The following MARCHF1 variants were observed in gnomAD, a reference collection of about 807,000 sequenced individuals.
MARCHF1 encodes the protein membrane associated ring-CH-type finger 1, also known as E3 ubiquitin-protein ligase MARCHF1.
In MARCHF1, 40 loss-of-function variants were observed where a neutral mutation model predicts 54.2. The observed-to-expected ratio is 0.74, with a 90% CI of 0.57 to 0.96. The LOEUF is 0.96. MARCHF1 is among the 40% of genes least tolerant of loss of function. MARCHF1 has a pLI of 0.00. For synonymous variants in MARCHF1, 236 were observed against 236.3 expected (o/e 1.00, Z 0.01); for missense variants, 586 against 656.5 (o/e 0.89, Z 1.17).
chr4:164,348,737 C>T (rs1400070140), intron 1 of MARCHF1, among the ~76,000 whole-genome samples: 1 of 152,080 alleles, frequency 6.6e-6, no homozygotes, highest in Non-Finnish European at 1.5e-5. Context: ...ACTATTCTCG[C>T]CTAGAAACAT....
At chr4:164,264,950 C>A (rs1019492369) in intron 1 of MARCHF1, among the ~76,000 whole-genome samples, 2 of 150,530 alleles carry the variant, frequency 1.3e-5, no homozygotes, top group African/African-American at 4.9e-5. Context: ...ACACCACCAT[C>A]ATTTTGCAAG....
chr4:163,939,255 T>C (rs1441300648), intron 3 of MARCHF1, among the ~76,000 whole-genome samples: 1 of 152,164 alleles, frequency 6.6e-6, no homozygotes, highest in Non-Finnish European at 1.5e-5. Flanking sequence ...GTGCTCACTA[T>C]GTGAGCTGAT....
chr4:163,545,686 A>T lies in MARCHF1; in HGVS notation c.1249T>A (p.Phe417Ile). 1.9e-6 allele frequency: 3 copies of T among 1,614,116 alleles called. No individual in the cohort carries two copies. The highest frequency in any genetic ancestry group is 2.5e-6 in the Non-Finnish European group (3 of 1,179,968). Residue 417 changes from phenylalanine (F) to isoleucine (I), a missense_variant, in exon 9 of 10, where the codon TTC becomes ATC. Transcript: ENST00000514618. ...ACACAGGTGATCGCGATTACGTGGAATGTGACAGAGCAGAATATTTTCCTC... is the reference window on the plus strand; with the variant it reads ...ACACAGGTGATCGCGATTACGTGGATTGTGACAGAGCAGAATATTTTCCTC... ...ERRKIFCSVT[F>I]HVIAITCVVW...
intron 1 of MARCHF1, among the ~76,000 whole-genome samples, chr4:164,275,244 T>C (rs1169533365): frequency 1.3e-5 from 2 of 152,096 alleles, no homozygotes; most frequent in Non-Finnish European, 1.5e-5. Flanking sequence ...AAATATAAAA[T>C]TATATACGAG....
intron 1 of MARCHF1, among the ~76,000 whole-genome samples, chr4:164,351,379 A>G (rs1190212139): frequency 6.6e-6 from 1 of 151,244 alleles, no homozygotes; most frequent in Admixed American, 6.6e-5. Flanking sequence ...AGCTTTGAAG[A>G]GAGCAGTGGT....
At chr4:164,236,386 T>C (rs755282641) in intron 1 of MARCHF1, among the ~76,000 whole-genome samples, 30 of 152,082 alleles carry the variant, frequency 2.0e-4, no homozygotes, top group Admixed American at 4.6e-4. Flanking sequence ...CTCATGCTTG[T>C]CCAACACAAA....
intron 3 of MARCHF1, among the ~76,000 whole-genome samples, chr4:163,935,071 A>G (rs1035291198): frequency 6.6e-6 from 1 of 152,128 alleles, no homozygotes; most frequent in African/African-American, 2.4e-5. Flanking sequence ...TAACAGACAT[A>G]CAAACAACAT....
At chr4:163,676,146 C>A (rs1743905529) in intron 5 of MARCHF1, among the ~76,000 whole-genome samples, 1 of 147,522 alleles carries the variant, frequency 6.8e-6, no homozygotes. Context: ...AGTTCTACAG[C>A]CTGACCAAAA....
chr4:163,702,806 G>C (rs1482011012), intron 4 of MARCHF1, among the ~76,000 whole-genome samples: 1 of 152,100 alleles, frequency 6.6e-6, no homozygotes, highest in Non-Finnish European at 1.5e-5. Context: ...ATAAGGTCAG[G>C]CATTGAAATA....
intron 3 of MARCHF1, among the ~76,000 whole-genome samples, chr4:163,966,128 C>T (rs1480081114): frequency 1.3e-5 from 2 of 151,938 alleles, no homozygotes; most frequent in African/African-American, 4.8e-5. Flanking sequence ...CAATTTAGGT[C>T]TAATTATACT....
At chr4:163,927,281 A>C (rs1254014520) in intron 3 of MARCHF1, among the ~76,000 whole-genome samples, 2 of 151,844 alleles carry the variant, frequency 1.3e-5, no homozygotes, top group Non-Finnish European at 3.0e-5. Context: ...AAGCCTAACA[A>C]GATTCATAAT....
In MARCHF1 at chr4:163,624,607, G is replaced by C. The variant is rs143238255; in HGVS notation, c.163-11214C>G. Among the ~76,000 whole-genome samples the C allele has an allele frequency of 3.9e-3, 596 of 152,280 alleles. 2 individuals carry two copies. Among genetic ancestry groups the C allele is most frequent in the African/African-American group, 0.013 (560 of 41,544 alleles). On this transcript the variant is annotated intron_variant, in intron 5 of 9. Transcript: ENST00000514618. ...CCACTAGAGGATTAGGGAGAGATGA[G>C]GTCCTCAGCATAAGCTGCACATTTG...
At chr4:164,005,519 G>C in intron 2 of MARCHF1, among the ~76,000 whole-genome samples, 1 of 152,076 alleles carries the variant, frequency 6.6e-6, no homozygotes, top group Non-Finnish European at 1.5e-5. Context: ...ACAAGTGCAT[G>C]GTAATCTTCC....
In MARCHF1 at chr4:163,823,693, A is replaced by G. The variant is rs185149400; in HGVS notation, c.111+30328T>C. On this transcript the variant is annotated intron_variant, in intron 4 of 9. Transcript: ENST00000514618. The stretch of plus-strand genomic sequence containing the variant: ...CACCCATTTTATCACTATCATTGCT[A>G]AAGCATAAACATTTACAAAGTAGAA... Among the ~76,000 whole-genome samples, 429 of 151,994 alleles carry G rather than the reference A, an allele frequency of 2.8e-3. 4 individuals are homozygous for G. Among genetic ancestry groups the G allele is most frequent in the Middle Eastern group, 0.01 (3 of 292 alleles).
intron 2 of MARCHF1, among the ~76,000 whole-genome samples, chr4:164,080,416 T>G (rs1170562434): frequency 6.6e-6 from 1 of 152,208 alleles, no homozygotes; most frequent in African/African-American, 2.4e-5. Context: ...CTTCCAAATA[T>G]TCACGTATCC....
In MARCHF1 at chr4:163,754,623, AC is replaced by A. The variant is rs1746613374; in HGVS notation, c.112-53761del. Among the ~76,000 whole-genome samples, 5 of 152,214 alleles carry A rather than the reference AC, an allele frequency of 3.3e-5. No homozygotes were observed. In the South Asian group the frequency reaches 1.0e-3, roughly 32 times the overall value. On this transcript the variant is annotated intron_variant, in intron 4 of 9. Coordinates refer to ENST00000514618, the MANE Select transcript of MARCHF1 (RefSeq NM_001394959.1). ...GAAAGTTAAATCAATCTTTTTTTGC[AC>A]CATCCATTCTTCCCATCACCTAAAT...
chr4:163,823,293 A>G (rs1216893882), intron 4 of MARCHF1, among the ~76,000 whole-genome samples: 1 of 151,854 alleles, frequency 6.6e-6, no homozygotes, highest in African/African-American at 2.4e-5. Context: ...GAAAAAACTA[A>G]ATATAAGAGA....
At position 164,133,774 on chromosome 4, in the gene MARCHF1, C is replaced by G. The variant is rs554883974; in HGVS notation, c.-322-22112G>C. On this transcript the variant is annotated intron_variant, in intron 1 of 9. Transcript: ENST00000514618. The stretch of plus-strand genomic sequence containing the variant: ...GGCTGATCTCAGCAGTGGGCACTGC[C>G]CATCTACCTGCTAACTGCTAGTGGT... 5.4e-4 allele frequency among the ~76,000 whole-genome samples: 82 copies of G among 152,258 alleles called. 1 individual carries two copies. Among genetic ancestry groups the G allele is most frequent in the South Asian group, 3.5e-3 (17 of 4,820 alleles).
intron 1 of MARCHF1, among the ~76,000 whole-genome samples, chr4:164,161,481 C>G (rs1017509157): frequency 1.3e-5 from 2 of 151,972 alleles, no homozygotes; most frequent in African/African-American, 4.8e-5. Context: ...ATGTTGGATA[C>G]AATTTAGGAA....
Sources: gnomAD v4.1 joint callset for allele counts (sites outside exome capture counted in the v4.1 genomes callset) on GRCh38, gnomAD v4.1.1 for gene constraint, MANE v1.5 for transcripts, NCBI Gene and HGNC (gene_info 2026-07-23, HGNC 2026-07-21) for gene names.